SEMA5A: variants seen among roughly 807,000 people sequenced by gnomAD.
SEMA5A encodes semaphorin 5A.
Under a neutral mutation model 135.5 loss-of-function variants are expected in SEMA5A, and 55 were observed. The observed-to-expected ratio is 0.41, with a 90% CI of 0.33 to 0.51. The LOEUF (loss-of-function observed/expected upper bound fraction) is 0.51. Ranked by LOEUF, SEMA5A falls within the 20% of genes least tolerant of loss-of-function variation. The pLI is 0.37. For missense variants in SEMA5A, 1,290 were observed against 1,419.9 expected, an observed-to-expected ratio of 0.91 and a Z score of 1.47; for synonymous variants, 580 against 546.5, an observed-to-expected ratio of 1.06 and a Z score of -0.85.
rs144991161 is a variant in SEMA5A, at chr5:9,298,025, A to G, written c.270+20347T>C. Among the ~76,000 whole-genome samples, 477 of 152,302 alleles carry G rather than the reference A, an allele frequency of 3.1e-3. 4 individuals are homozygous for G. The highest frequency in any genetic ancestry group is 5.5e-3 in the Non-Finnish European group (376 of 68,018). ...ACCAAAATGTCCTCTAGTCATCAAA[A>G]ATTATACTAATGTCATTATGACTTG... On this transcript the variant is annotated intron_variant, in intron 5 of 22. Coordinates refer to ENST00000382496, the MANE Select transcript of SEMA5A (RefSeq NM_003966.3).
intron 11 of SEMA5A, among the ~76,000 whole-genome samples, chr5:9,177,346 A>G (rs1189676184): frequency 6.6e-6 from 1 of 152,202 alleles, no homozygotes; most frequent in East Asian, 1.9e-4. Context: ...TGATGGAGTC[A>G]TTTCAGATGT....
chr5:9,253,691 C>A (rs1047743199), intron 5 of SEMA5A, among the ~76,000 whole-genome samples: 1 of 152,008 alleles, frequency 6.6e-6, no homozygotes, highest in Non-Finnish European at 1.5e-5. Context: ...TTTAATAGAA[C>A]CTATAAAAAT....
chr5:9,051,604 AT>A (rs996714529), intron 20 of SEMA5A, among the ~76,000 whole-genome samples: 12 of 152,198 alleles, frequency 7.9e-5, no homozygotes, highest in South Asian at 2.1e-4. Flanking sequence ...AAATATTTTC[AT>A]TTTTTTGAGC....
intron 10 of SEMA5A, among the ~76,000 whole-genome samples, chr5:9,196,349 A>C (rs779819498): frequency 5.9e-5 from 9 of 152,158 alleles, no homozygotes; most frequent in Non-Finnish European, 1.3e-4. Flanking sequence ...GATACCCCAA[A>C]GGTGTCTCTC....
intron 1 of SEMA5A, among the ~76,000 whole-genome samples, chr5:9,463,665 C>A (rs775433622): frequency 3.3e-5 from 5 of 152,164 alleles, no homozygotes; most frequent in African/African-American, 1.2e-4. Flanking sequence ...CTGCTGCCAA[C>A]GTGGGGCTTT....
intron 2 of SEMA5A, among the ~76,000 whole-genome samples, chr5:9,418,652 C>T (rs145075710): frequency 7.2e-4 from 110 of 152,218 alleles, no homozygotes; most frequent in African/African-American, 2.5e-3. Context: ...ATACTGACGG[C>T]GCACTAAACC....
chr5:9,321,166 A>G (rs1752612913), intron 4 of SEMA5A, among the ~76,000 whole-genome samples: 1 of 152,112 alleles, frequency 6.6e-6, no homozygotes, highest in South Asian at 2.1e-4. Context: ...CCATGTGAGA[A>G]GGCCCAAGCT....
intron 20 of SEMA5A, 134 bp from the exon 21 acceptor site, chr5:9,050,591 AG>A: frequency 1.3e-6 from 1 of 776,304 alleles, no homozygotes; most frequent in South Asian, 2.7e-5. Context: ...ATTAATTATC[AG>A]AAAAATTCTA....
intron 4 of SEMA5A, among the ~76,000 whole-genome samples, chr5:9,320,227 A>T (rs930355974): frequency 6.6e-6 from 1 of 152,160 alleles, no homozygotes; most frequent in Non-Finnish European, 1.5e-5. Context: ...ACCCCAAGAG[A>T]AGCTCCCAGA....
At chr5:9,493,086 A>G (rs1735108953) in intron 1 of SEMA5A, among the ~76,000 whole-genome samples, 1 of 152,114 alleles carries the variant, frequency 6.6e-6, no homozygotes, top group South Asian at 2.1e-4. Context: ...GGGAATGTCA[A>G]CAATGGAGGA....
chr5:9,479,833 T>C (rs983026869), intron 1 of SEMA5A, among the ~76,000 whole-genome samples: 1 of 151,958 alleles, frequency 6.6e-6, no homozygotes, highest in African/African-American at 2.4e-5. Flanking sequence ...CACCAGAGGG[T>C]GATGATAAGA....
At chr5:9,211,407 T>C (rs1379044885) in intron 8 of SEMA5A, among the ~76,000 whole-genome samples, 2 of 152,188 alleles carry the variant, frequency 1.3e-5, no homozygotes, top group Non-Finnish European at 2.9e-5. Flanking sequence ...TTGTTTTGCT[T>C]GTTCTCTGAC....
chr5:9,453,656 T>G (rs1336305990), intron 1 of SEMA5A, among the ~76,000 whole-genome samples: 6 of 152,184 alleles, frequency 3.9e-5, no homozygotes, highest in Non-Finnish European at 2.9e-5. Flanking sequence ...TATTTATTGA[T>G]CAGTTGACAA....
intron 14 of SEMA5A, 92 bp from the exon 15 acceptor site, chr5:9,119,233 G>A (rs1740684148): frequency 6.8e-7 from 1 of 1,462,452 alleles, no homozygotes; most frequent in African/African-American, 1.4e-5. Context: ...GTGTTCCTCA[G>A]GAGGATCACG....
intron 1 of SEMA5A, among the ~76,000 whole-genome samples, chr5:9,533,635 C>T (rs1737581425): frequency 6.6e-6 from 1 of 152,124 alleles, no homozygotes; most frequent in Admixed American, 6.5e-5. Flanking sequence ...GAAAAGGAAA[C>T]AGCTAATAAA....
chr5:9,154,045 C>CAAAAAAAAAAA (rs1157417525), intron 12 of SEMA5A, among the ~76,000 whole-genome samples: 3 of 34,192 alleles, frequency 8.8e-5, no homozygotes, highest in African/African-American at 3.8e-4. Context: ...GACTGTGTCT[C>CAAAAAAAAAAA]AAAAAAAAAA....
At chr5:9,300,323 C>T (rs753167983) in intron 5 of SEMA5A, among the ~76,000 whole-genome samples, 3 of 82,168 alleles carry the variant, frequency 3.7e-5, no homozygotes, top group Admixed American at 1.3e-4. Flanking sequence ...CCACTGCGCC[C>T]GGCCATTTCT....
chr5:9,353,750 C>T (rs951395546), intron 3 of SEMA5A, among the ~76,000 whole-genome samples: 1 of 152,116 alleles, frequency 6.6e-6, no homozygotes, highest in Non-Finnish European at 1.5e-5. Context: ...CACTTTCACA[C>T]AAAATCGTTT....
chr5:9,108,245 C>A lies in SEMA5A; in HGVS notation c.1968G>T (p.Trp656Cys). 6.2e-7 allele frequency: 1 copy of A among 1,614,138 alleles called. No homozygotes were observed. The highest frequency in any genetic ancestry group is 8.5e-7 in the Non-Finnish European group (1 of 1,180,028). ...EHLLCPPHMF[W>C]TGWGPWERCT... ...ACCGTTCCCAAGGACCCCAGCCTGT[C>A]CAGAACATGTGTGGGGGACATAGCA... The change falls in exon 16 of 23, where the codon TGG (tryptophan) becomes TGT (cysteine). Residue 656 changes from tryptophan (W) to cysteine (C), a missense_variant. Physicochemically the swap from Trp to Cys is radical, Grantham distance 215 (BLOSUM62 -2). Coordinates refer to ENST00000382496, the MANE Select transcript of SEMA5A (RefSeq NM_003966.3).
Sources: allele counts gnomAD v4.1 joint callset (sites outside exome capture counted in the v4.1 genomes callset), GRCh38; gene constraint gnomAD v4.1.1; transcripts MANE v1.5; gene names NCBI Gene and HGNC (gene_info 2026-07-23, HGNC 2026-07-21).